DACH2: variants seen among roughly 807,000 people sequenced by gnomAD.
The protein encoded by DACH2 is dachshund family transcription factor 2.
In DACH2, 17 loss-of-function variants were observed where a neutral mutation model predicts 35.8. That is an observed-to-expected ratio of 0.48 (90% CI 0.33 to 0.71). The LOEUF is 0.71. Among genes scored for constraint, DACH2 ranks in the 30% least tolerant of loss-of-function variants. The pLI is 0.02. For synonymous variants in DACH2, 195 were observed against 177.3 expected (o/e 1.10, Z -0.79); for missense variants, 469 against 472.7 (o/e 0.99, Z 0.07).
intron 3 of DACH2, among the ~76,000 whole-genome samples, chrX:86,593,999 T>C (rs1465787400): frequency 9.0e-6 from 1 of 111,179 alleles, no homozygotes; most frequent in African/African-American, 3.3e-5. Context: ...TTTAGAAAAT[T>C]ATTAATAATT....
intron 2 of DACH2, among the ~76,000 whole-genome samples, chrX:86,404,828 C>T (rs753874200): frequency 2.4e-4 from 27 of 112,368 alleles, no homozygotes; most frequent in Admixed American, 5.6e-4. Context: ...CCTGCGTAGA[C>T]TTCTGCCTGG....
At chrX:86,623,647 T>C (rs958438863) in intron 3 of DACH2, among the ~76,000 whole-genome samples, 2 of 111,876 alleles carry the variant, frequency 1.8e-5, no homozygotes, top group Admixed American at 1.9e-4. Context: ...TTTACAAGAA[T>C]GTCACTATTA....
At chrX:86,419,341 G>A (rs1452095613) in intron 2 of DACH2, among the ~76,000 whole-genome samples, 1 of 112,164 alleles carries the variant, frequency 8.9e-6, no homozygotes, top group Non-Finnish European at 1.9e-5. Context: ...GCAAAAGAAA[G>A]AGGTTTATTG....
At chrX:86,406,042 C>T (rs1384045562) in intron 2 of DACH2, among the ~76,000 whole-genome samples, 3 of 111,710 alleles carry the variant, frequency 2.7e-5, no homozygotes, top group African/African-American at 9.8e-5. Context: ...TTACCTCCCA[C>T]TGGGCCCCTC....
chrX:86,809,364 C>T (rs1364198067), intron 7 of DACH2, among the ~76,000 whole-genome samples: 1 of 111,104 alleles, frequency 9.0e-6, no homozygotes, highest in East Asian at 2.8e-4. Flanking sequence ...GATTTTTCAA[C>T]CCTATCTAGT....
intron 1 of DACH2, among the ~76,000 whole-genome samples, chrX:86,309,850 C>T (rs2034762252): frequency 8.9e-6 from 1 of 112,062 alleles, no homozygotes; most frequent in African/African-American, 3.2e-5. Context: ...CTCAGTGACC[C>T]CCAAAGGCTG....
chrX:86,218,311 C>T (rs962209114), intron 1 of DACH2, among the ~76,000 whole-genome samples: 1 of 111,466 alleles, frequency 9.0e-6, no homozygotes, highest in Non-Finnish European at 1.9e-5. Flanking sequence ...AAATATTTTC[C>T]ATGTTATACA....
intron 2 of DACH2, chrX:86,481,097 AG>A (rs2037929016): frequency 8.9e-6 from 1 of 112,050 alleles, no homozygotes; most frequent in South Asian, 3.7e-4. Context: ...CTTCTCTACA[AG>A]GCATGCACAT....
At chrX:86,335,388 G>A (rs760420372) in intron 1 of DACH2, among the ~76,000 whole-genome samples, 71 of 111,859 alleles carry the variant, frequency 6.3e-4, no homozygotes, top group African/African-American at 2.2e-3. Context: ...TCCATAACAT[G>A]AAATGTTTTT....
chrX:86,152,201 G>A (rs764613666), intron 1 of DACH2, among the ~76,000 whole-genome samples: 57 of 111,458 alleles, frequency 5.1e-4, no homozygotes, highest in Non-Finnish European at 1.0e-3. Flanking sequence ...GGTGTCATTG[G>A]CAATTTTCTC....
At chrX:86,814,962 T>C (rs1310084835) in intron 10 of DACH2, 128 bp downstream of exon 10, 8 of 748,866 alleles carry the variant, frequency 1.1e-5, no homozygotes, top group Admixed American at 3.9e-5. Context: ...CACAGACATA[T>C]TTTGTCCAGG....
chrX:86,438,029 C>T (rs1056643840), intron 2 of DACH2, among the ~76,000 whole-genome samples: 38 of 109,150 alleles, frequency 3.5e-4, no homozygotes, highest in Admixed American at 5.9e-4. Flanking sequence ...TCTCCTCCTC[C>T]TCCTACCCTG....
At chrX:86,825,985 A>G (rs2042559213) in intron 11 of DACH2, among the ~76,000 whole-genome samples, 1 of 111,971 alleles carries the variant, frequency 8.9e-6, no homozygotes, top group Admixed American at 9.5e-5. Flanking sequence ...ATACTATCTG[A>G]TAAGTATGGC....
chrX:86,813,446 C>CAA lies in DACH2; in HGVS notation c.1537+184_1537+185dup, dbSNP rs1182157047. ...AGAAACCCCATCTCTACTAAAAATA[C>CAA]AAAAAAAAAAAAAAAATTAGCTGGG... On this transcript the variant is annotated intron_variant, in intron 9 of 11. Coordinates refer to ENST00000373125, the MANE Select transcript of DACH2 (RefSeq NM_053281.3). 5.0e-3 allele frequency among the ~76,000 whole-genome samples: 376 copies of CAA among 75,589 alleles called. 6 individuals carry two copies. The highest frequency in any genetic ancestry group is 0.011 in the African/African-American group (224 of 21,138). 65.6% of individuals were successfully genotyped at this position (75,589 alleles called of 115,157 possible).
intron 3 of DACH2, among the ~76,000 whole-genome samples, chrX:86,647,284 G>A (rs1216391519): frequency 9.1e-6 from 1 of 110,429 alleles, no homozygotes; most frequent in Admixed American, 9.7e-5. Context: ...GACCAACAAT[G>A]GATGAATGGA....
intron 2 of DACH2, among the ~76,000 whole-genome samples, chrX:86,428,554 G>A (rs1343817253): frequency 1.8e-5 from 2 of 111,724 alleles, no homozygotes; most frequent in Non-Finnish European, 3.8e-5. Context: ...TAGAATTCCT[G>A]CAGACAACTG....
At chrX:86,770,671 A>G (rs2041979897) in intron 7 of DACH2, among the ~76,000 whole-genome samples, 2 of 112,126 alleles carry the variant, frequency 1.8e-5, no homozygotes, top group Admixed American at 9.5e-5. Context: ...TTCCGGGGAA[A>G]ATATCACACT....
intron 2 of DACH2, among the ~76,000 whole-genome samples, chrX:86,427,711 C>T (rs2036917665): frequency 9.0e-6 from 1 of 110,998 alleles, no homozygotes; most frequent in African/African-American, 3.3e-5. Flanking sequence ...AAATGAAAAG[C>T]CTTAAATATA....
chrX:86,798,043 A>G (rs1672959046), intron 7 of DACH2, among the ~76,000 whole-genome samples: 1 of 112,600 alleles, frequency 8.9e-6, no homozygotes, highest in Non-Finnish European at 1.9e-5. Flanking sequence ...ATCTAAAGTT[A>G]ACAAACTGGT....
Sources: allele counts gnomAD v4.1 joint callset (sites outside exome capture counted in the v4.1 genomes callset), GRCh38; gene constraint gnomAD v4.1.1; transcripts MANE v1.5; gene names NCBI Gene and HGNC (gene_info 2026-07-23, HGNC 2026-07-21).